The following CSMD1 variants were observed in gnomAD, a reference collection of about 807,000 sequenced individuals.
CSMD1 encodes the protein CUB and sushi domain-containing protein 1.
A neutral mutation model predicts 417.5 loss-of-function variants in CSMD1; 213 were observed. The ratio of observed to expected loss-of-function variants is 0.51; its 90% CI spans 0.46 to 0.57. CSMD1 has a LOEUF of 0.57. Among genes scored for constraint, CSMD1 ranks in the 20% least tolerant of loss-of-function variants. The pLI is 0.00. For missense variants in CSMD1, 6,923 were observed against 4,529.7 expected, an observed-to-expected ratio of 1.53 and a Z score of -15.17; for synonymous variants, 2,862 against 1,736.8, an observed-to-expected ratio of 1.65 and a Z score of -16.11.
rs934311472 is a variant in CSMD1, at chr8:3,349,683, A to G, written c.3305-1522T>C. ...TATAATTCTGTAAAAATCATTTTAA[A>G]AGAGAAATTTATATGTATATATACT... On this transcript the variant is annotated intron_variant, in intron 21 of 69. Coordinates refer to ENST00000635120, the MANE Select transcript of CSMD1 (RefSeq NM_033225.6). Among the ~76,000 whole-genome samples, 227 of 149,498 alleles carry G rather than the reference A, an allele frequency of 1.5e-3. 1 individual carries two copies. Among genetic ancestry groups the G allele is most frequent in the African/African-American group, 5.3e-3 (217 of 40,998 alleles).
intron 2 of CSMD1, among the ~76,000 whole-genome samples, chr8:4,518,329 T>C (rs1803236594): frequency 6.6e-6 from 1 of 152,052 alleles, no homozygotes. Flanking sequence ...ATCTTCAGGA[T>C]AAAAGATTCT....
chr8:4,687,836 TAC>T (rs35687334), intron 1 of CSMD1, among the ~76,000 whole-genome samples: 82,307 of 148,886 alleles, frequency 0.55, 22,691 homozygotes, highest in East Asian at 0.71. Context: ...CATACATACA[TAC>T]ACACACACAC....
At chr8:4,734,484 G>T (rs1469405717) in intron 1 of CSMD1, among the ~76,000 whole-genome samples, 1 of 152,054 alleles carries the variant, frequency 6.6e-6, no homozygotes, top group African/African-American at 2.4e-5. Flanking sequence ...GTGGCCAGAA[G>T]CTCTAAGATT....
At chr8:3,348,955 G>A (rs79833136) in intron 21 of CSMD1, among the ~76,000 whole-genome samples, 1 of 152,200 alleles carries the variant, frequency 6.6e-6, no homozygotes. Flanking sequence ...AGTCCAATAC[G>A]ATCACAGAAA....
intron 4 of CSMD1, among the ~76,000 whole-genome samples, chr8:4,022,111 G>A (rs993099942): frequency 3.5e-5 from 4 of 114,878 alleles, no homozygotes; most frequent in Admixed American, 9.2e-5. Context: ...ATATATGAAT[G>A]GATATAGAAT....
At chr8:4,159,383 A>G (rs991792042) in intron 3 of CSMD1, among the ~76,000 whole-genome samples, 6 of 152,196 alleles carry the variant, frequency 3.9e-5, no homozygotes, top group African/African-American at 9.7e-5. Flanking sequence ...CCACTATGTG[A>G]TATCTACCGA....
Position 4,203,330 on chromosome 8 carries a change from A to G in CSMD1, c.416-171231T>C, listed in dbSNP as rs181792261. ...CCACGGGGTCGGCTCAGGGAGACCC[A>G]TCTGCAGGTTAGAAGCCAACATCAG... On this transcript the variant is annotated intron_variant, in intron 3 of 69. Coordinates refer to ENST00000635120, the MANE Select transcript of CSMD1 (RefSeq NM_033225.6). Among the ~76,000 whole-genome samples the G allele has an allele frequency of 6.1e-3, 929 of 152,246 alleles. 8 individuals are homozygous for G. The highest frequency in any genetic ancestry group is 9.9e-3 in the Non-Finnish European group (672 of 68,018).
At chr8:4,163,438 G>C (rs147738388) in intron 3 of CSMD1, among the ~76,000 whole-genome samples, 23 of 152,018 alleles carry the variant, frequency 1.5e-4, no homozygotes, top group African/African-American at 5.1e-4. Flanking sequence ...CTTTTTTCTT[G>C]TTTTTACGTT....
chr8:3,919,648 CT>C (rs1305347863), intron 5 of CSMD1, among the ~76,000 whole-genome samples: 1 of 151,774 alleles, frequency 6.6e-6, no homozygotes, highest in Non-Finnish European at 1.5e-5. Flanking sequence ...AATTTTATGA[CT>C]TTTTTTTCTA....
chr8:4,159,809 G>C (rs1006692435), intron 3 of CSMD1, among the ~76,000 whole-genome samples: 17 of 152,104 alleles, frequency 1.1e-4, no homozygotes, highest in African/African-American at 3.9e-4. Context: ...AGGATAGGGA[G>C]ACCATTATTC....
At chr8:4,003,446 G>A (rs951657242) in intron 4 of CSMD1, among the ~76,000 whole-genome samples, 1 of 142,552 alleles carries the variant, frequency 7.0e-6, no homozygotes, top group African/African-American at 2.6e-5. Context: ...AAATAGATAA[G>A]TAAATAACAA....
At chr8:3,155,359 ATTTTTTT>A (rs556304192) in intron 39 of CSMD1, among the ~76,000 whole-genome samples, 110 of 43,322 alleles carry the variant, frequency 2.5e-3, no homozygotes, top group Middle Eastern at 0.026. Flanking sequence ...CAAGGCTGGG[ATTTTTTT>A]TTTTTTTTTT....
intron 3 of CSMD1, among the ~76,000 whole-genome samples, chr8:4,361,556 G>A (rs1165510168): frequency 1.3e-5 from 2 of 152,190 alleles, no homozygotes; most frequent in Non-Finnish European, 2.9e-5. Context: ...TTAAAAAGTC[G>A]TAGAGTTCAA....
chr8:4,573,311 C>T (rs1057244389), intron 2 of CSMD1, among the ~76,000 whole-genome samples: 1 of 152,126 alleles, frequency 6.6e-6, no homozygotes, highest in African/African-American at 2.4e-5. Flanking sequence ...TTCGCATGGG[C>T]ATCCTTTTTG....
intron 1 of CSMD1, among the ~76,000 whole-genome samples, chr8:4,915,128 C>A (rs1203726874): frequency 6.6e-6 from 1 of 151,540 alleles, no homozygotes; most frequent in African/African-American, 2.4e-5. Context: ...CTGTGGTTGC[C>A]GAACGAAGAA....
intron 1 of CSMD1, among the ~76,000 whole-genome samples, chr8:4,915,796 A>G (rs1302179224): frequency 6.6e-6 from 1 of 152,246 alleles, no homozygotes. Flanking sequence ...CTTGATGCAT[A>G]GAATACTTGG....
intron 23 of CSMD1, among the ~76,000 whole-genome samples, chr8:3,335,865 T>C (rs534717757): frequency 1.3e-5 from 2 of 152,212 alleles, no homozygotes; most frequent in Non-Finnish European, 2.9e-5. Flanking sequence ...GAGAGGTGAA[T>C]TCATGGATGG....
intron 3 of CSMD1, among the ~76,000 whole-genome samples, chr8:4,405,643 T>C (rs1317943919): frequency 1.3e-5 from 2 of 152,236 alleles, no homozygotes; most frequent in African/African-American, 4.8e-5. Flanking sequence ...TTGCTTGGCA[T>C]TGCATTATCC....
At chr8:3,588,921 C>A (rs1276346831) in intron 8 of CSMD1, among the ~76,000 whole-genome samples, 1 of 151,990 alleles carries the variant, frequency 6.6e-6, no homozygotes, top group Non-Finnish European at 1.5e-5. Flanking sequence ...GGGCAAAGGA[C>A]CTGAATAGAC....
Sources: allele counts gnomAD v4.1 joint callset (sites outside exome capture counted in the v4.1 genomes callset), GRCh38; gene constraint gnomAD v4.1.1; transcripts MANE v1.5; gene names NCBI Gene and HGNC (gene_info 2026-07-23, HGNC 2026-07-21).